The following PAX2 variants were observed in gnomAD, a reference collection of about 807,000 sequenced individuals.
PAX2 encodes the protein paired box 2.
A neutral mutation model predicts 41.7 loss-of-function variants in PAX2; 9 were observed. That is an observed-to-expected ratio of 0.22 (90% confidence interval 0.13 to 0.38). The LOEUF is 0.38. Among genes scored for constraint, PAX2 ranks in the 10% least tolerant of loss-of-function variants. The pLI is 1.00. For missense variants in PAX2, 418 were observed against 531.6 expected, an observed-to-expected ratio of 0.79 and a Z score of 2.10; for synonymous variants, 221 against 212.7, an observed-to-expected ratio of 1.04 and a Z score of -0.34.
At chr10:100,740,035 C>T (rs1000823837) in intron 1 of PAX2, among the ~76,000 whole-genome samples, 1 of 152,206 alleles carries the variant, frequency 6.6e-6, no homozygotes, top group South Asian at 2.1e-4. Flanking sequence ...TCCTGTCTCT[C>T]CCTCCTTCGA....
At chr10:100,779,262 T>C (rs910822559) in intron 3 of PAX2, among the ~76,000 whole-genome samples, 1 of 152,156 alleles carries the variant, frequency 6.6e-6, no homozygotes, top group African/African-American at 2.4e-5. Flanking sequence ...GTGATGCACA[T>C]AGCAGGACAT....
At chr10:100,754,779 G>T (rs1845572124) in intron 3 of PAX2, among the ~76,000 whole-genome samples, 1 of 152,214 alleles carries the variant, frequency 6.6e-6, no homozygotes, top group South Asian at 2.1e-4. Context: ...TGAAACTCAG[G>T]TTCCAGAACA....
rs1298940924 is a variant in PAX2 at position 100,806,920 on chromosome 10, C to G, written c.792+315C>G. On this transcript the variant is annotated intron_variant, in intron 6 of 9. Transcript: ENST00000355243. ...GCTTGGATGTAGGGTTTGTCAAGTC[C>G]CTTCTAGCTCCGCTTTTCTGTGGTT... is the stretch of plus-strand genomic sequence containing the variant. Among the ~76,000 whole-genome samples the G allele has an allele frequency of 2.6e-5, 4 of 152,100 alleles. No homozygotes were observed. In the East Asian group the frequency reaches 7.7e-4, roughly 29 times the overall value.
rs974094207 is a variant in PAX2 at position 100,748,164 on chromosome 10, G to A, written c.44-1582G>A. The A allele has an allele frequency of 1.2e-5, 12 of 985,278 alleles. No individual in the cohort carries two copies. The highest frequency in any genetic ancestry group is 5.2e-4 in the Middle Eastern group (1 of 1,916). The allele number at this position is 985,278 out of a possible 1,614,324, so 61.0% of individuals were successfully genotyped here. A position where few individuals can be genotyped will look rare whatever the true frequency, so the allele number is the denominator to read the frequency against. Reference sequence around the variant, plus strand: ...CCCACCCCTTAGACTGGGGCTGAGGGGCCGGGCCCTGAGCCCGGGGAGGCT... The same window carrying A: ...CCCACCCCTTAGACTGGGGCTGAGGAGCCGGGCCCTGAGCCCGGGGAGGCT... On this transcript the variant is annotated intron_variant, in intron 1 of 9. Transcript: ENST00000355243. The surrounding 1 kb of genome is among the most constrained non-coding windows in gnomAD (Gnocchi z 5.0).
At chr10:100,800,482 C>T (rs1341951357) in intron 5 of PAX2, among the ~76,000 whole-genome samples, 2 of 151,974 alleles carry the variant, frequency 1.3e-5, no homozygotes, top group Non-Finnish European at 2.9e-5. Context: ...GCTATGTTGC[C>T]CAGGCTGGTC....
chr10:100,804,534 A>C (rs970309808), intron 5 of PAX2, among the ~76,000 whole-genome samples: 12 of 152,222 alleles, frequency 7.9e-5, no homozygotes, highest in Admixed American at 2.6e-4. Flanking sequence ...ACAATAGGAC[A>C]CGCAAATAGC....
At chr10:100,786,942 G>A (rs753936225) in intron 5 of PAX2, 3 of 1,385,050 alleles carry the variant, frequency 2.2e-6, no homozygotes, top group Admixed American at 3.8e-5. Flanking sequence ...ATTTGCTCTA[G>A]TTGAGGTATA....
In PAX2 at chr10:100,827,585, C is replaced by A; in HGVS notation, c.1151C>A (p.Pro384His). Residue 384 changes from proline (P) to histidine (H), a missense_variant, in exon 10 of 10, where the codon CCT becomes CAT. Physicochemically the swap from Pro to His is moderately conservative, Grantham distance 77. This residue lies in a region of PAX2 where 310 missense variants were observed against 325.2 expected (regional missense o/e 0.95). Coordinates refer to ENST00000355243, the MANE Select transcript of PAX2 (RefSeq NM_000278.5). This position sits in a 1 kb window ranked among gnomAD's most constrained non-coding sequence, Gnocchi z 8.5. ...YYSAAPRGSAPAAAAAAYDRH is the reference protein window; with the variant it reads ...YYSAAPRGSAHAAAAAAYDRH The stretch of plus-strand genomic sequence containing the variant: ...AGTGCCGCCCCCCGGGGCTCCGCCC[C>A]TGCCGCTGCTGCCGCTGCCTATGAC... 1.2e-6 allele frequency: 2 copies of A among 1,613,858 alleles called. No individual in the cohort carries two copies. Among genetic ancestry groups the A allele is most frequent in the Non-Finnish European group, 1.7e-6 (2 of 1,179,742 alleles).
At chr10:100,773,987 G>A (rs1274972243) in intron 3 of PAX2, among the ~76,000 whole-genome samples, 11 of 152,118 alleles carry the variant, frequency 7.2e-5, no homozygotes, top group Admixed American at 7.2e-4. Flanking sequence ...CAGGGTGCAA[G>A]GAGACAGACA....
At chr10:100,751,906 G>A (rs908846646) in intron 3 of PAX2, among the ~76,000 whole-genome samples, 35 of 152,040 alleles carry the variant, frequency 2.3e-4, no homozygotes, top group African/African-American at 7.7e-4. Flanking sequence ...ATGAAAAGAG[G>A]GCTAAGCAGT....
intron 5 of PAX2, among the ~76,000 whole-genome samples, chr10:100,797,975 G>A (rs1173892141): frequency 6.6e-6 from 1 of 152,100 alleles, no homozygotes; most frequent in Non-Finnish European, 1.5e-5. Context: ...TGAACTCACT[G>A]AGTGTTTAGA....
chr10:100,751,157 TAAGACTCC>T (rs1845427377), intron 3 of PAX2, among the ~76,000 whole-genome samples: 1 of 152,180 alleles, frequency 6.6e-6, no homozygotes, highest in Admixed American at 6.5e-5. Flanking sequence ...TTGTGGTAAT[TAAGACTCC>T]AAGATTACGA....
Position 100,745,932 on chromosome 10 carries a change from A to G in PAX2, c.-329A>G. The G allele has an allele frequency of 8.1e-7, 1 of 1,228,132 alleles. No individual in the cohort carries two copies. The highest frequency in any genetic ancestry group is 1.0e-6 in the Non-Finnish European group (1 of 982,576). The allele number at this position is 1,228,132 out of a possible 1,614,324, so 76.1% of individuals were successfully genotyped here. ...CGAGTCGCCTCCCCCGCCCAGCTTC[A>G]GCCCTGGCTGCAGCTGCAGCGCGAG... On this transcript the variant is annotated 5_prime_UTR_variant, in exon 1 of 10. Coordinates refer to ENST00000355243, the MANE Select transcript of PAX2 (RefSeq NM_000278.5).
At position 100,750,613 on chromosome 10, in the gene PAX2, G is replaced by A. The variant is rs1845404566; in HGVS notation, c.213-81G>A. 3 of 1,260,330 alleles carry A rather than the reference G, an allele frequency of 2.4e-6. No individual in the cohort carries two copies. The highest frequency in any genetic ancestry group is 3.7e-5 in the Admixed American group (2 of 53,606). 78.1% of individuals were successfully genotyped at this position (1,260,330 alleles called of 1,614,324 possible). ...GCTGCCTCGGCCGGGCAGGAGAGTG[G>A]CTCAGCAGCTCTGGAACCTGCAGCC... is the stretch of plus-strand genomic sequence containing the variant. On this transcript the variant is annotated intron_variant, in intron 2 of 9. Transcript: ENST00000355243. The surrounding 1 kb of genome is among the most constrained non-coding windows in gnomAD (Gnocchi z 4.1).
rs1845403150 is a variant in PAX2, at chr10:100,750,566, C to A, written c.213-128C>A. ...CCCTCAGGAAGTCAGCTCAGCCACA[C>A]TGGGCCTTTTCCCTCCACTCCGCTG... On this transcript the variant is annotated intron_variant, in intron 2 of 9. Coordinates refer to ENST00000355243, the MANE Select transcript of PAX2 (RefSeq NM_000278.5). This position sits in a 1 kb window ranked among gnomAD's most constrained non-coding sequence, Gnocchi z 4.1. The A allele has an allele frequency of 3.8e-6, 3 of 799,096 alleles. No individual in the cohort carries two copies. The highest frequency in any genetic ancestry group is 6.1e-6 in the Non-Finnish European group (3 of 488,620). The allele number at this position is 799,096 out of a possible 1,614,324, so 49.5% of individuals were successfully genotyped here.
upstream of PAX2, among the ~76,000 whole-genome samples, chr10:100,743,526 T>G (rs1236374281): frequency 6.6e-6 from 1 of 152,122 alleles, no homozygotes; most frequent in Non-Finnish European, 1.5e-5. Context: ...AAAGGTTACT[T>G]TAGTTCTGAG....
chr10:100,812,102 G>T (rs1848008489), intron 7 of PAX2, among the ~76,000 whole-genome samples: 1 of 152,226 alleles, frequency 6.6e-6, no homozygotes, highest in African/African-American at 2.4e-5. Flanking sequence ...TAATCACATT[G>T]CAAGCAAGGG....
chr10:100,798,951 A>C (rs552964865), intron 5 of PAX2, among the ~76,000 whole-genome samples: 537 of 152,254 alleles, frequency 3.5e-3, no homozygotes, highest in Middle Eastern at 6.8e-3. Context: ...CGCGTTCTGA[A>C]CTCAGCCCAG....
intron 3 of PAX2, among the ~76,000 whole-genome samples, chr10:100,775,735 C>T (rs970568945): frequency 4.6e-5 from 7 of 152,208 alleles, no homozygotes. Flanking sequence ...GCCCAGTGAG[C>T]TCACAGAAGC....
Sources: gnomAD v4.1 joint callset for allele counts (sites outside exome capture counted in the v4.1 genomes callset) on GRCh38, gnomAD v4.1.1 for gene constraint, gnomAD v4.1.1 regional missense constraint, Gnocchi (gnomAD v3.1) non-coding constraint, MANE v1.5 for transcripts, NCBI Gene and HGNC (gene_info 2026-07-23, HGNC 2026-07-21) for gene names.